The following TRIM26 variants were observed in gnomAD, a reference collection of about 807,000 sequenced individuals.
TRIM26 encodes the protein tripartite motif containing 26, also known as tripartite motif-containing protein 26.
TRIM26 carries 16 observed loss-of-function variants against 45.5 expected under a neutral mutation model. The observed-to-expected ratio is 0.35, with a 90% CI of 0.24 to 0.53. The LOEUF (loss-of-function observed/expected upper bound fraction) is 0.53. Ranked by LOEUF, TRIM26 falls within the 20% of genes least tolerant of loss-of-function variation. TRIM26 has a pLI of 0.92. For synonymous variants in TRIM26, 273 were observed against 290.4 expected, an observed-to-expected ratio of 0.94 and a Z score of 0.61; for missense variants, 442 against 691.1, an observed-to-expected ratio of 0.64 and a Z score of 4.04.
At position 30,196,479 on chromosome 6, in the gene TRIM26, C is replaced by T; in HGVS notation, c.765+37G>A. The T allele has an allele frequency of 6.3e-7, 1 of 1,591,724 alleles. No homozygotes were observed. The highest frequency in any genetic ancestry group is 1.9e-4 in the Middle Eastern group (1 of 5,396). On this transcript the variant is annotated intron_variant, in intron 6 of 9. Transcript: ENST00000454678. The surrounding 1 kb of genome is among the most constrained non-coding windows in gnomAD (Gnocchi z 4.9). ...AATGGCAGGGCTGGGACCCACCGTC[C>T]TGGTCCCTGGCGCCCTGCCCAGGGA...
intron 1 of TRIM26, among the ~76,000 whole-genome samples, chr6:30,210,799 CCTT>C (rs1370979904): frequency 6.6e-6 from 1 of 152,044 alleles, no homozygotes; most frequent in Non-Finnish European, 1.5e-5. Flanking sequence ...CTGTACTTAC[CCTT>C]CTTGTGATGA....
intron 1 of TRIM26, among the ~76,000 whole-genome samples, 199 bp from the exon 2 acceptor site, chr6:30,204,964 G>A (rs1418964160): frequency 1.3e-5 from 2 of 152,142 alleles, no homozygotes; most frequent in Non-Finnish European, 2.9e-5. Context: ...AGAAGCGGCC[G>A]GGCGCGGTGG....
intron 9 of TRIM26, among the ~76,000 whole-genome samples, chr6:30,187,976 T>C (rs1006383778): frequency 2.1e-5 from 3 of 141,020 alleles, no homozygotes; most frequent in African/African-American, 8.1e-5. Flanking sequence ...TCCCAGCACT[T>C]TGGGAGGCCG....
intron 9 of TRIM26, chr6:30,187,018 C>G: frequency 2.1e-5 from 8 of 378,544 alleles, no homozygotes; most frequent in South Asian, 2.1e-4. Context: ...GAAAGGAACA[C>G]TATGAAACAC....
At position 30,198,388 on chromosome 6, in the gene TRIM26, G is replaced by C. The variant is rs377364305; in HGVS notation, c.534+41C>G. On this transcript the variant is annotated intron_variant, in intron 5 of 9. Coordinates refer to ENST00000454678, the MANE Select transcript of TRIM26 (RefSeq NM_003449.5). The surrounding 1 kb of genome is among the most constrained non-coding windows in gnomAD (Gnocchi z 6.3). ...TGCCCAGGCTCACCCTGCCCTACAC[G>C]GGCGCACCGCCTCAGGGCTTCCTGA... is the stretch of plus-strand genomic sequence containing the variant. 1 of 1,608,576 alleles carries C rather than the reference G, an allele frequency of 6.2e-7. No individual in the cohort carries two copies. Among genetic ancestry groups the C allele is most frequent in the African/African-American group, 1.3e-5 (1 of 74,948 alleles).
At position 30,186,911 on chromosome 6, in the gene TRIM26, T is replaced by C; in HGVS notation, c.938-353A>G. ...CATCCAAGTGTGGATCACCAGTCCC[T>C]GAAAAATCTGTTCCATTTTCTTCAT... On this transcript the variant is annotated intron_variant, in intron 9 of 9. Transcript: ENST00000454678. The surrounding 1 kb of genome is among the most constrained non-coding windows in gnomAD (Gnocchi z 7.4). The C allele has an allele frequency of 3.2e-6, 2 of 622,930 alleles. No homozygotes were observed. The highest frequency in any genetic ancestry group is 5.8e-6 in the Non-Finnish European group (2 of 346,002). The allele number at this position is 622,930 out of a possible 1,614,324, so 38.6% of individuals were successfully genotyped here.
intron 9 of TRIM26, chr6:30,188,279 G>T: frequency 2.5e-6 from 1 of 400,980 alleles, no homozygotes; most frequent in Non-Finnish European, 4.3e-6. Context: ...AGTTCCACAA[G>T]TTCTTGCAAA....
At chr6:30,195,852 G>A (rs1020988468) in intron 6 of TRIM26, among the ~76,000 whole-genome samples, 2 of 152,136 alleles carry the variant, frequency 1.3e-5, no homozygotes, top group African/African-American at 4.8e-5. Flanking sequence ...CCCTCTTCAG[G>A]GTAAGTGTGA....
chr6:30,186,704 T>C lies in TRIM26; in HGVS notation c.938-146A>G. ...GTAATATAACTCAACATCCTTAATT[T>C]GGTATAAGTGTGACACATTTTCTGG... On this transcript the variant is annotated intron_variant, in intron 9 of 9. Transcript: ENST00000454678. This position sits in a 1 kb window ranked among gnomAD's most constrained non-coding sequence, Gnocchi z 7.4. The C allele has an allele frequency of 8.8e-7, 1 of 1,135,930 alleles. No individual in the cohort carries two copies. Among genetic ancestry groups the C allele is most frequent in the Non-Finnish European group, 1.2e-6 (1 of 827,078 alleles). 70.4% of individuals were successfully genotyped at this position (1,135,930 alleles called of 1,614,324 possible).
chr6:30,191,185 CA>C (rs1775790672), intron 6 of TRIM26, among the ~76,000 whole-genome samples: 6 of 152,030 alleles, frequency 3.9e-5, no homozygotes, highest in Admixed American at 3.9e-4. Context: ...ATGGTTTGTA[CA>C]GGGGGGAGAA....
At chr6:30,206,275 C>T (rs1047340522) in intron 1 of TRIM26, among the ~76,000 whole-genome samples, 6 of 152,236 alleles carry the variant, frequency 3.9e-5, no homozygotes, top group Non-Finnish European at 8.8e-5. Flanking sequence ...GGCCTGGATC[C>T]CAGGCTGTCC....
rs544782880 is a variant in TRIM26, at chr6:30,196,476, G to A, written c.765+40C>T. On this transcript the variant is annotated intron_variant, in intron 6 of 9. Coordinates refer to ENST00000454678, the MANE Select transcript of TRIM26 (RefSeq NM_003449.5). This position sits in a 1 kb window ranked among gnomAD's most constrained non-coding sequence, Gnocchi z 4.9. ...GTGAATGGCAGGGCTGGGACCCACC[G>A]TCCTGGTCCCTGGCGCCCTGCCCAG... 10 of 1,587,718 alleles carry A rather than the reference G, an allele frequency of 6.3e-6. No homozygotes were observed. Among genetic ancestry groups the A allele is most frequent in the East Asian group, 2.2e-5 (1 of 44,676 alleles).
chr6:30,193,128 ATACATATATG>A (rs1226660092), intron 6 of TRIM26, among the ~76,000 whole-genome samples: 10 of 54,914 alleles, frequency 1.8e-4, no homozygotes, highest in African/African-American at 6.5e-4. Flanking sequence ...GTATATATAT[ATACATATATG>A]TGTGTGTGTG....
In TRIM26 at chr6:30,189,115, C is replaced by T. The variant is rs374373958; in HGVS notation, c.937+52G>A. ...AGTGAGCAGTCAGAATCTCTGCAGG[C>T]GGAGTTTTCTATATTTGATGTACAT... On this transcript the variant is annotated intron_variant, in intron 9 of 9. Transcript: ENST00000454678. The surrounding 1 kb of genome is among the most constrained non-coding windows in gnomAD (Gnocchi z 5.0). The T allele has an allele frequency of 6.7e-5, 106 of 1,580,998 alleles. No homozygotes were observed. The highest frequency in any genetic ancestry group is 7.7e-5 in the Non-Finnish European group (90 of 1,163,534).
At chr6:30,199,826 C>T (rs143444447) in intron 3 of TRIM26, among the ~76,000 whole-genome samples, 3,666 of 152,136 alleles carry the variant, frequency 0.024, 47 homozygotes, top group Non-Finnish European at 0.03. Context: ...TTAGTAGAGA[C>T]GGGGTTTCAC....
chr6:30,186,956 CT>C lies in TRIM26; in HGVS notation c.938-399del. The C allele has an allele frequency of 2.1e-6, 1 of 485,920 alleles. No homozygotes were observed. Among genetic ancestry groups the C allele is most frequent in the South Asian group, 2.2e-5 (1 of 45,076 alleles). 30.1% of individuals were successfully genotyped at this position (485,920 alleles called of 1,614,324 possible). A position where few individuals can be genotyped will look rare whatever the true frequency, so the allele number is the denominator to read the frequency against. ...CTTCATAATCCAGAAAAAAAGTCCT[CT>C]TTTTCAAGTAACTCTTGATATGCTT... is the stretch of plus-strand genomic sequence containing the variant. On this transcript the variant is annotated intron_variant, in intron 9 of 9. Coordinates refer to ENST00000454678, the MANE Select transcript of TRIM26 (RefSeq NM_003449.5). This position sits in a 1 kb window ranked among gnomAD's most constrained non-coding sequence, Gnocchi z 7.4.
In TRIM26 at chr6:30,189,920, T is replaced by C; in HGVS notation, c.788+93A>G. The C allele has an allele frequency of 3.4e-6, 5 of 1,486,738 alleles. No homozygotes were observed. The highest frequency in any genetic ancestry group is 4.7e-6 in the Non-Finnish European group (5 of 1,066,802). 92.1% of individuals were successfully genotyped at this position (1,486,738 alleles called of 1,614,324 possible). The stretch of plus-strand genomic sequence containing the variant: ...TGGGATGTGAGTACCTCTGGCACCA[T>C]ACCACTCCCCATGAATTCAAATGCA... On this transcript the variant is annotated intron_variant, in intron 7 of 9. Coordinates refer to ENST00000454678, the MANE Select transcript of TRIM26 (RefSeq NM_003449.5). This position sits in a 1 kb window ranked among gnomAD's most constrained non-coding sequence, Gnocchi z 5.0.
intron 9 of TRIM26, chr6:30,188,657 G>A (rs112866885): frequency 9.3e-4 from 199 of 214,324 alleles, no homozygotes; most frequent in African/African-American, 3.8e-3. Flanking sequence ...GTGTGAAAGT[G>A]AGCCAGGAGG....
At position 30,198,315 on chromosome 6, in the gene TRIM26, T is replaced by A; in HGVS notation, c.534+114A>T. The A allele has an allele frequency of 8.8e-7, 1 of 1,131,738 alleles. No homozygotes were observed. Among genetic ancestry groups the A allele is most frequent in the East Asian group, 2.3e-5 (1 of 42,560 alleles). 70.1% of individuals were successfully genotyped at this position (1,131,738 alleles called of 1,614,324 possible). A position where few individuals can be genotyped will look rare whatever the true frequency, so the allele number is the denominator to read the frequency against. ...TCTGCTACTGCCAGGCTGACACCCA[T>A]CCTCCCTGTGAGCAGCGCCTAGAAA... On this transcript the variant is annotated intron_variant, in intron 5 of 9. Coordinates refer to ENST00000454678, the MANE Select transcript of TRIM26 (RefSeq NM_003449.5). The surrounding 1 kb of genome is among the most constrained non-coding windows in gnomAD (Gnocchi z 6.3).
Sources: gnomAD v4.1 joint callset for allele counts (sites outside exome capture counted in the v4.1 genomes callset) on GRCh38, gnomAD v4.1.1 for gene constraint, Gnocchi (gnomAD v3.1) non-coding constraint, MANE v1.5 for transcripts, NCBI Gene and HGNC (gene_info 2026-07-23, HGNC 2026-07-21) for gene names.